The following FRS2 variants were observed in gnomAD, a reference collection of about 807,000 sequenced individuals.
FRS2 encodes FGFR signalling adaptor.
FRS2 carries 8 observed loss-of-function variants against 43.9 expected under a neutral mutation model. The observed-to-expected ratio is 0.18, with a 90% confidence interval of 0.11 to 0.33. The LOEUF (loss-of-function observed/expected upper bound fraction) is 0.33. Ranked by LOEUF, FRS2 falls within the 10% of genes least tolerant of loss-of-function variation. The pLI, the probability that FRS2 is intolerant of heterozygous loss-of-function variation, is 1.00. For missense variants in FRS2, 534 were observed against 627.6 expected, an observed-to-expected ratio of 0.85 and a Z score of 1.59; for synonymous variants, 219 against 220.3, an observed-to-expected ratio of 0.99 and a Z score of 0.05.
At position 69,538,197 on chromosome 12, in the gene FRS2, T is replaced by TTATATATATATATATATATATATG. The variant is rs1877503451; in HGVS notation, c.-122+6164_-122+6165insGTATATATATATATATATATATAT. Among the ~76,000 whole-genome samples the TTATATATATATATATATATATATG allele has an allele frequency of 2.2e-4, 18 of 81,618 alleles. No individual in the cohort carries two copies. The South Asian group carries it at 9.3e-3, about 42-fold the overall frequency. 53.5% of individuals were successfully genotyped at this position (81,618 alleles called of 152,430 possible). ...AATAATAAAATTAAAAAAACAAATT[T>TTATATATATATATATATATATATG]TATATATATATATATATATATATAT... On this transcript the variant is annotated intron_variant, in intron 3 of 8. Coordinates refer to ENST00000549921, the MANE Select transcript of FRS2 (RefSeq NM_001278356.2).
rs376896422 is a variant in FRS2 at position 69,557,594 on chromosome 12, T to TTGTGTG, written c.-121-4565_-121-4560dup. The stretch of plus-strand genomic sequence containing the variant: ...TTTCTTTGAGAGTTCTGAAGGTTGA[T>TTGTGTG]TGTGTGTGTGTGTGTGTGTGTGTGT... On this transcript the variant is annotated intron_variant, in intron 3 of 8. Transcript: ENST00000549921. Among the ~76,000 whole-genome samples, 863 of 137,064 alleles carry TTGTGTG rather than the reference T, an allele frequency of 6.3e-3. 5 individuals are homozygous for TTGTGTG. The highest frequency in any genetic ancestry group is 0.019 in the African/African-American group (702 of 36,522). The allele number at this position is 137,064 out of a possible 152,430, so 89.9% of individuals were successfully genotyped here.
intron 3 of FRS2, among the ~76,000 whole-genome samples, chr12:69,547,590 C>A (rs1298599108): frequency 6.6e-6 from 1 of 152,062 alleles, no homozygotes; most frequent in Non-Finnish European, 1.5e-5. Flanking sequence ...ATAAATTATA[C>A]CCAGTGGAAT....
intron 1 of FRS2, among the ~76,000 whole-genome samples, chr12:69,521,971 T>C (rs1386397956): frequency 5.3e-5 from 8 of 152,190 alleles, no homozygotes; most frequent in African/African-American, 1.9e-4. Flanking sequence ...CTTTTCTGCG[T>C]CTATTGAATT....
intron 1 of FRS2, among the ~76,000 whole-genome samples, chr12:69,476,194 C>T (rs940735747): frequency 3.9e-5 from 6 of 152,114 alleles, no homozygotes; most frequent in East Asian, 3.8e-4. Context: ...CTACAGAGGA[C>T]GTATTGTGAT....
chr12:69,538,026 A>G (rs1428244674), intron 3 of FRS2: 1 of 152,300 alleles, frequency 6.6e-6, no homozygotes, highest in Non-Finnish European at 1.5e-5. Flanking sequence ...GGATTTTGGG[A>G]TTTGCAACTG....
rs138396374 is a variant in FRS2 at position 69,477,709 on chromosome 12, CTTATTTATTTATTTATTTAT to C, written c.-261+7206_-261+7225del. Among the ~76,000 whole-genome samples the C allele has an allele frequency of 7.0e-4, 100 of 142,172 alleles. 1 individual carries two copies. The highest frequency in any genetic ancestry group is 4.8e-3 in the Admixed American group (69 of 14,294). 93.3% of individuals were successfully genotyped at this position (142,172 alleles called of 152,430 possible). A position where few individuals can be genotyped will look rare whatever the true frequency, so the allele number is the denominator to read the frequency against. On this transcript the variant is annotated intron_variant, in intron 1 of 8. Transcript: ENST00000549921. ...ACTGTGCTTAAATATTTAATAGTAG[CTTATTTATTTATTTATTTAT>C]TTATTTATTTATTTATTTATTTATT...
intron 1 of FRS2, among the ~76,000 whole-genome samples, chr12:69,493,511 G>A (rs1019743192): frequency 6.6e-6 from 1 of 152,120 alleles, no homozygotes; most frequent in Non-Finnish European, 1.5e-5. Flanking sequence ...ACCTGAGGTC[G>A]GGAGTTCAAG....
At chr12:69,495,925 T>G (rs998510223) in intron 1 of FRS2, among the ~76,000 whole-genome samples, 1 of 151,842 alleles carries the variant, frequency 6.6e-6, no homozygotes, top group African/African-American at 2.4e-5. Flanking sequence ...CGAGACTCTC[T>G]CAAAAAAAGA....
At chr12:69,567,972 A>G (rs939683159) in intron 4 of FRS2, among the ~76,000 whole-genome samples, 2 of 152,228 alleles carry the variant, frequency 1.3e-5, no homozygotes, top group Admixed American at 6.5e-5. Flanking sequence ...ACAAGCTTCA[A>G]TCAAATTTAT....
rs967448659 is a variant in FRS2 at position 69,577,149 on chromosome 12, A to G, written c.*2194A>G. The G allele has an allele frequency of 3.9e-5, 6 of 152,132 alleles. No individual in the cohort carries two copies. The highest frequency in any genetic ancestry group is 8.8e-5 in the Non-Finnish European group (6 of 67,962). The allele number at this position is 152,132 out of a possible 1,614,324, so 9.4% of individuals were successfully genotyped here. A position where few individuals can be genotyped will look rare whatever the true frequency, so the allele number is the denominator to read the frequency against. On this transcript the variant is annotated 3_prime_UTR_variant, in exon 9 of 9. Coordinates refer to ENST00000549921, the MANE Select transcript of FRS2 (RefSeq NM_001278356.2). ...TCATTGTTTCCCCCGGATTCTAATT[A>G]GTTTTTATTTTTTTTAGATAACTCC...
rs149853018 is a variant in FRS2 at position 69,535,305 on chromosome 12, G to A, written c.-122+3249G>A. ...CTTGAAATGAGATCTAGATACAGGC[G>A]TTGATGTAGATACTTAAATGAAATG... On this transcript the variant is annotated intron_variant, in intron 3 of 8. Coordinates refer to ENST00000549921, the MANE Select transcript of FRS2 (RefSeq NM_001278356.2). Among the ~76,000 whole-genome samples the A allele has an allele frequency of 3.2e-3, 480 of 152,278 alleles. 1 individual carries two copies. Among genetic ancestry groups the A allele is most frequent in the Admixed American group, 8.0e-3 (123 of 15,306 alleles).
intron 1 of FRS2, among the ~76,000 whole-genome samples, chr12:69,510,748 G>T (rs138530868): frequency 4.6e-5 from 7 of 152,128 alleles, no homozygotes; most frequent in African/African-American, 1.7e-4. Context: ...ATGGAATGTG[G>T]TGAACATTAA....
At chr12:69,476,904 T>C (rs1049065336) in intron 1 of FRS2, among the ~76,000 whole-genome samples, 9 of 152,224 alleles carry the variant, frequency 5.9e-5, no homozygotes, top group African/African-American at 2.2e-4. Context: ...TCTATTAGAA[T>C]GTCCAAGGCA....
chr12:69,478,417 ATTAAT>A (rs966321814), intron 1 of FRS2, among the ~76,000 whole-genome samples: 11 of 152,124 alleles, frequency 7.2e-5, no homozygotes, highest in African/African-American at 2.7e-4. Context: ...TTTAATTTTA[ATTAAT>A]TTAAATATGA....
intron 1 of FRS2, among the ~76,000 whole-genome samples, chr12:69,512,259 CTG>C (rs1371530390): frequency 2.0e-5 from 3 of 152,094 alleles, no homozygotes; most frequent in Non-Finnish European, 4.4e-5. Flanking sequence ...AATATTTTGA[CTG>C]TTACTGTTAT....
chr12:69,571,025 C>T (rs1246306944), intron 6 of FRS2, among the ~76,000 whole-genome samples: 1 of 152,132 alleles, frequency 6.6e-6, no homozygotes, highest in Non-Finnish European at 1.5e-5. Flanking sequence ...AGCGTAAGTG[C>T]GCAGGTCTTG....
chr12:69,487,146 A>T (rs1036738677), intron 1 of FRS2, among the ~76,000 whole-genome samples: 2 of 152,242 alleles, frequency 1.3e-5, no homozygotes, highest in Non-Finnish European at 2.9e-5. Context: ...GCCTGAGCCA[A>T]CATGCCTCAC....
chr12:69,513,785 A>G (rs1487572730), intron 1 of FRS2, among the ~76,000 whole-genome samples: 1 of 152,156 alleles, frequency 6.6e-6, no homozygotes, highest in East Asian at 1.9e-4. Context: ...TGTTGGGAAT[A>G]CATAGGTTGG....
rs1053196495 is a variant in FRS2, at chr12:69,558,505, A to G, written c.-121-3675A>G. Among the ~76,000 whole-genome samples, 67 of 152,114 alleles carry G rather than the reference A, an allele frequency of 4.4e-4. 2 individuals carry two copies. Among genetic ancestry groups the G allele is most frequent in the South Asian group, 4.1e-4 (2 of 4,824 alleles). ...CATGAACACCCTACATTCCAGCTCTAAGGAACTACCTGGTTCTCCTGGAGG... is the reference window on the plus strand; with the variant it reads ...CATGAACACCCTACATTCCAGCTCTGAGGAACTACCTGGTTCTCCTGGAGG... On this transcript the variant is annotated intron_variant, in intron 3 of 8. Transcript: ENST00000549921.
Sources: gnomAD v4.1 joint callset for allele counts (sites outside exome capture counted in the v4.1 genomes callset) on GRCh38, gnomAD v4.1.1 for gene constraint, MANE v1.5 for transcripts, NCBI Gene and HGNC (gene_info 2026-07-23, HGNC 2026-07-21) for gene names.